TONSL: variants seen among roughly 807,000 people sequenced by gnomAD.
The protein encoded by TONSL is tonsoku-like protein.
A neutral mutation model predicts 147.1 loss-of-function variants in TONSL; 112 were observed. The observed-to-expected ratio is 0.76, with a 90% CI of 0.65 to 0.89. The LOEUF (loss-of-function observed/expected upper bound fraction) is 0.89, where lower values mean the gene tolerates loss of function less well. TONSL is among the 40% of genes least tolerant of loss of function. The probability of loss-of-function intolerance (pLI) is 0.00; values close to 1 mark genes in which losing one functional copy is unlikely to be tolerated. For missense variants in TONSL, 1,883 were observed against 1,864.6 expected, an observed-to-expected ratio of 1.01 and a Z score of -0.18; for synonymous variants, 868 against 801.5, an observed-to-expected ratio of 1.08 and a Z score of -1.40.
chr8:144,441,386 A>T (rs1823711036), intron 7 of TONSL: 2 of 395,668 alleles, frequency 5.1e-6, no homozygotes, highest in Admixed American at 7.7e-5. Context: ...AGGTCAGGAG[A>T]TCGAGACCAT....
rs111393858 is a variant in TONSL at position 144,436,838 on chromosome 8, G to A, written c.1809C>T (p.His603=). Residue 603 remains histidine (H), a synonymous_variant, in exon 15 of 26, where the codon CAC becomes CAT. Transcript: ENST00000409379. ...GQGCEGITPL[H]DALNCGHFEV... ...CGAAGTGGCCACAGTTGAGGGCATCGTGGAGGGGGGTGATGCCTTCGCAGC... is the reference window on the plus strand; with the variant it reads ...CGAAGTGGCCACAGTTGAGGGCATCATGGAGGGGGGTGATGCCTTCGCAGC... 121 of 1,610,872 alleles carry A rather than the reference G, an allele frequency of 7.5e-5. No homozygotes were observed. In the East Asian group the frequency reaches 1.1e-3, roughly 15 times the overall value.
In TONSL at chr8:144,434,410, C is replaced by T. The variant is rs1479210231; in HGVS notation, c.3086-131G>A. On this transcript the variant is annotated intron_variant, in intron 20 of 25. Coordinates refer to ENST00000409379, the MANE Select transcript of TONSL (RefSeq NM_013432.5). Reference sequence around the variant, plus strand: ...CACCAGACTTGCTGTAGAGCCCACTCGCACATGCCTGTGGGTCTAGCACTG... The same window carrying T: ...CACCAGACTTGCTGTAGAGCCCACTTGCACATGCCTGTGGGTCTAGCACTG... 40 of 792,122 alleles carry T rather than the reference C, an allele frequency of 5.0e-5. 1 individual carries two copies. Among genetic ancestry groups the T allele is most frequent in the Non-Finnish European group, 5.7e-5 (30 of 526,216 alleles). 49.1% of individuals were successfully genotyped at this position (792,122 alleles called of 1,614,324 possible). A position where few individuals can be genotyped will look rare whatever the true frequency, so the allele number is the denominator to read the frequency against.
At chr8:144,435,346 G>A (rs1823398152) in intron 18 of TONSL, 128 bp downstream of exon 18, 2 of 1,237,084 alleles carry the variant, frequency 1.6e-6, no homozygotes, top group East Asian at 2.6e-5. Flanking sequence ...CTATTCCTGG[G>A]GGCCACAGGA....
In TONSL at chr8:144,436,616, C is replaced by T. The variant is rs778908891; in HGVS notation, c.1956G>A (p.Glu652=). 1 of 1,612,112 alleles carries T rather than the reference C, an allele frequency of 6.2e-7. No individual in the cohort carries two copies. ...CCATGGCCCTGGCCTTCTGCCGCGT[C>T]TCCAGGTCCAGGTCCCTGCGGTACA... ...VKLYRRDLDL[E]TRQKARAMEM... Residue 652 remains glutamate, a synonymous_variant, in exon 16 of 26, where the codon GAG becomes GAA. Transcript: ENST00000409379.
At position 144,436,789 on chromosome 8, in the gene TONSL, G is replaced by A. The variant is rs34978644; in HGVS notation, c.1858C>T (p.Arg620Trp). 35 of 1,611,260 alleles carry A rather than the reference G, an allele frequency of 2.2e-5. No individual in the cohort carries two copies. The highest frequency in any genetic ancestry group is 3.3e-4 in the Middle Eastern group (2 of 6,080). The change falls in exon 15 of 26, where the codon CGG becomes TGG. Residue 620 changes from arginine to tryptophan, a missense_variant. Coordinates refer to ENST00000409379, the MANE Select transcript of TONSL (RefSeq NM_013432.5). ...GTGCGGAGGGTGACGGACGCCCCCC[G>A]TTCAAGCAGCAGCTCAGCCACCTCG... is the stretch of plus-strand genomic sequence containing the variant. Reference protein sequence around the residue: ...HFEVAELLLERGASVTLRTRK... With the variant: ...HFEVAELLLEWGASVTLRTRK...
chr8:144,444,406 C>G lies in TONSL; in HGVS notation c.9G>C (p.Leu3=), dbSNP rs1440125201. 1.6e-6 allele frequency: 2 copies of G among 1,265,890 alleles called. No homozygotes were observed. The highest frequency in any genetic ancestry group is 2.0e-6 in the Non-Finnish European group (2 of 1,004,086). The allele number at this position is 1,265,890 out of a possible 1,614,324, so 78.4% of individuals were successfully genotyped here. Residue 3 remains leucine (L), a synonymous_variant, in exon 1 of 26, where the codon CTG becomes CTC. Coordinates refer to ENST00000409379, the MANE Select transcript of TONSL (RefSeq NM_013432.5). The part of the protein sequence containing the change: MS[L]ERELRQLSKA... Reference sequence around the variant, plus strand: ...GGAACTTACGGCGAAGCTCGCGCTCCAGGCTCATGCTCGGATCGCCGCGGG... The same window carrying G: ...GGAACTTACGGCGAAGCTCGCGCTCGAGGCTCATGCTCGGATCGCCGCGGG...
Position 144,436,932 on chromosome 8 carries a change from G to C in TONSL, c.1727-12C>G. ...GAAGCGGACAATTTCTGCAGACCAG[G>C]AGACGTAAGCCCAGCTCCCGATGCC... On this transcript the variant is annotated splice_polypyrimidine_tract_variant and intron_variant, in intron 14 of 25. Transcript: ENST00000409379. 6.2e-7 allele frequency: 1 copy of C among 1,609,592 alleles called. No homozygotes were observed. The highest frequency in any genetic ancestry group is 1.1e-5 in the South Asian group (1 of 91,048).
intron 13 of TONSL, 162 bp downstream of exon 13, chr8:144,438,309 G>A: frequency 1.5e-6 from 1 of 670,178 alleles, no homozygotes; most frequent in Non-Finnish European, 2.6e-6. Context: ...AGGATGAAGT[G>A]ATCCTCCTGC....
chr8:144,438,899 A>T (rs1481916315), intron 11 of TONSL, 164 bp from the exon 12 acceptor site: 8 of 693,478 alleles, frequency 1.2e-5, no homozygotes, highest in Non-Finnish European at 2.0e-5. Flanking sequence ...CAATGGTCCC[A>T]GCGCTGCCTC....
chr8:144,430,650 G>A, intron 24 of TONSL, 113 bp from the exon 25 acceptor site: 1 of 1,322,490 alleles, frequency 7.6e-7, no homozygotes, highest in Non-Finnish European at 1.0e-6. Flanking sequence ...CCAGACCCAG[G>A]GGCTCTGCCT....
Position 144,429,276 on chromosome 8 carries a change from C to T in TONSL, c.4004G>A (p.Arg1335Gln), listed in dbSNP as rs1554878076. 3 of 1,515,048 alleles carry T rather than the reference C, an allele frequency of 2.0e-6. No individual in the cohort carries two copies. The highest frequency in any genetic ancestry group is 2.0e-5 in the Admixed American group (1 of 48,988). 93.9% of individuals were successfully genotyped at this position (1,515,048 alleles called of 1,614,324 possible). ...GCGTCTGCTGCACAGCTGCAGTTCCCGGAGCTGCGCGGCTATCTTGTCCCA... is the reference window on the plus strand; with the variant it reads ...GCGTCTGCTGCACAGCTGCAGTTCCTGGAGCTGCGCGGCTATCTTGTCCCA... ...GLWDKIAAQLRELQLCSRRLC... is the reference protein window; with the variant it reads ...GLWDKIAAQLQELQLCSRRLC... The change falls in exon 26 of 26, where the codon CGG becomes CAG. Residue 1335 changes from arginine to glutamine, a missense_variant. Coordinates refer to ENST00000409379, the MANE Select transcript of TONSL (RefSeq NM_013432.5).
At chr8:144,438,785 T>C (rs1823582097) in intron 11 of TONSL, 50 bp from the exon 12 acceptor site, 1 of 1,576,006 alleles carries the variant, frequency 6.3e-7, no homozygotes. Context: ...AGGTGAAGGT[T>C]AGCAGCCCCC....
intron 24 of TONSL, 33 bp downstream of exon 24, chr8:144,431,045 C>T (rs782344207): frequency 5.6e-6 from 9 of 1,612,960 alleles, no homozygotes; most frequent in Non-Finnish European, 7.6e-6. Context: ...GATCAGACCC[C>T]CAGGTCAGCA....
chr8:144,436,411 G>T lies in TONSL; in HGVS notation c.2022C>A (p.His674Gln). Residue 674 changes from histidine to glutamine, a missense_variant, in exon 17 of 26, where the codon CAC becomes CAA. By Grantham distance (24) the His-to-Gln change is conservative. Coordinates refer to ENST00000409379, the MANE Select transcript of TONSL (RefSeq NM_013432.5). ...LQAAASGQDP[H>Q]SSQAFHTPSS... ...TTGGGGTGTGGAAGGCCTGGGAGCT[G>T]TGGGGATCTGTGGGAGAGAGAATGC... The T allele has an allele frequency of 1.3e-6, 2 of 1,513,522 alleles. No homozygotes were observed. Among genetic ancestry groups the T allele is most frequent in the Non-Finnish European group, 1.8e-6 (2 of 1,136,358 alleles). 93.8% of individuals were successfully genotyped at this position (1,513,522 alleles called of 1,614,324 possible).
rs769374773 is a variant in TONSL, at chr8:144,436,677, A to AGGCCCTGT, written c.1891-4_1894dup (p.Leu632HisfsTer14). ...CTGCTGCAGCGTCTCCAGCGGGCTG[A>AGGCCCTGT]GGCCCTGTGTGGCATCAGTTGAGCA... On this transcript the variant is annotated frameshift_variant, in exon 16 of 26. Coordinates refer to ENST00000409379, the MANE Select transcript of TONSL (RefSeq NM_013432.5). LOFTEE classifies it high-confidence loss of function. 4.3e-6 allele frequency: 7 copies of AGGCCCTGT among 1,612,030 alleles called. No individual in the cohort carries two copies. The highest frequency in any genetic ancestry group is 1.7e-5 in the Admixed American group (1 of 60,020).
intron 4 of TONSL, 130 bp downstream of exon 4, chr8:144,443,008 C>T (rs1002585077): frequency 3.2e-6 from 4 of 1,261,992 alleles, no homozygotes; most frequent in Admixed American, 2.5e-5. Context: ...GGCATGCACC[C>T]CTCACACAAG....
chr8:144,443,139 C>T lies in TONSL; in HGVS notation c.447G>A (p.Glu149=), dbSNP rs1269505454. The T allele has an allele frequency of 5.8e-6, 9 of 1,550,198 alleles. No homozygotes were observed. In the Admixed American group the frequency reaches 1.2e-4, roughly 20 times the overall value. The part of the protein sequence containing the change: ...KSLAIVDEEL[E]GTLAQGELNE... ...GAAAACGCGGAGGGGTCTGCCCACC[C>T]TCCAGCTCCTCATCCACAATAGCCA... The change falls in exon 4 of 26, where the codon GAG becomes GAA. Residue 149 remains glutamate (E), a splice_region_variant and synonymous_variant. Coordinates refer to ENST00000409379, the MANE Select transcript of TONSL (RefSeq NM_013432.5).
rs778089395 is a variant in TONSL at position 144,435,896 on chromosome 8, C to T, written c.2537G>A (p.Arg846His). ...TCCAGTGCCCCGGGGGCGGGGCCGG[C>T]GGCTGCGGGTCAGGGGCATGTCCAG... ...LELDMPLTRS[R>H]RPRPRGTGDN... The change falls in exon 17 of 26, where the codon CGC becomes CAC. Residue 846 changes from arginine to histidine, a missense_variant. Coordinates refer to ENST00000409379, the MANE Select transcript of TONSL (RefSeq NM_013432.5). 1.3e-5 allele frequency: 21 copies of T among 1,595,088 alleles called. No individual in the cohort carries two copies. The South Asian group carries it at 1.4e-4, about 11-fold the overall frequency.
Position 144,436,356 on chromosome 8 carries a change from G to A in TONSL, c.2077C>T (p.Pro693Ser). ...GGTTCTGGGCAGGGGCTCAAAGGAG[G>A]AGAGGTCTCGGGGTCAAACAGAAGG... is the stretch of plus-strand genomic sequence containing the variant. ...SSLLFDPETS[P>S]PLSPCPEPPS... Residue 693 changes from proline (P) to serine (S), a missense_variant, in exon 17 of 26, where the codon CCT becomes TCT. Transcript: ENST00000409379. 1.3e-6 allele frequency: 2 copies of A among 1,503,466 alleles called. No homozygotes were observed. Among genetic ancestry groups the A allele is most frequent in the Non-Finnish European group, 1.8e-6 (2 of 1,133,562 alleles). 93.1% of individuals were successfully genotyped at this position (1,503,466 alleles called of 1,614,324 possible). A position where few individuals can be genotyped will look rare whatever the true frequency, so the allele number is the denominator to read the frequency against.
Sources: gnomAD v4.1 joint callset for allele counts on GRCh38, gnomAD v4.1.1 for gene constraint, MANE v1.5 for transcripts, NCBI Gene and HGNC (gene_info 2026-07-23, HGNC 2026-07-21) for gene names.